NDUFAF2: variants seen among roughly 807,000 people sequenced by gnomAD.
NDUFAF2 encodes NADH dehydrogenase [ubiquinone] 1 alpha subcomplex assembly factor 2.
NDUFAF2 carries 13 observed loss-of-function variants against 22.8 expected under a neutral mutation model. The observed-to-expected ratio is 0.57, with a 90% confidence interval of 0.37 to 0.91. The LOEUF (loss-of-function observed/expected upper bound fraction) is 0.91, where lower values mean the gene tolerates loss of function less well. Among genes scored for constraint, NDUFAF2 ranks in the 40% least tolerant of loss-of-function variants. NDUFAF2 has a pLI of 0.01. For missense variants in NDUFAF2, 162 were observed against 195.2 expected, an observed-to-expected ratio of 0.83 and a Z score of 1.01; for synonymous variants, 53 against 64.2, an observed-to-expected ratio of 0.83 and a Z score of 0.84.
chr5:61,034,470 AG>A (rs1232700798), intron 1 of NDUFAF2, among the ~76,000 whole-genome samples: 2 of 152,194 alleles, frequency 1.3e-5, no homozygotes, highest in African/African-American at 4.8e-5. Flanking sequence ...GAAAAGGTAC[AG>A]TAAAAATGCA....
chr5:61,066,766 T>G (rs1752233406), intron 1 of NDUFAF2, among the ~76,000 whole-genome samples: 1 of 152,174 alleles, frequency 6.6e-6, no homozygotes, highest in Non-Finnish European at 1.5e-5. Flanking sequence ...GTTGTTATAC[T>G]GTATTTTTTA....
rs141958433 is a variant in NDUFAF2 at position 61,005,764 on chromosome 5, G to A, written c.127+60382G>A. Among the ~76,000 whole-genome samples, 1,148 of 151,938 alleles carry A rather than the reference G, an allele frequency of 7.6e-3. 13 individuals are homozygous for A. Among genetic ancestry groups the A allele is most frequent in the African/African-American group, 0.026 (1,086 of 41,474 alleles). ...CTTTTGAGAAGTGTCTGTTCATATC[G>A]TTTGCCCACTTGTTGATGGGGTTGT... On this transcript the variant is annotated intron_variant, in intron 1 of 3. Transcript: ENST00000296597.
chr5:61,035,424 GTTTTTTTTTTTTT>G lies in NDUFAF2; in HGVS notation c.128-37685_128-37673del, dbSNP rs768889484. Among the ~76,000 whole-genome samples the G allele has an allele frequency of 1.2e-4, 5 of 40,544 alleles. No individual in the cohort carries two copies. In the East Asian group the frequency reaches 2.9e-3, roughly 23 times the overall value. The allele number at this position is 40,544 out of a possible 152,430, so 26.6% of individuals were successfully genotyped here. On this transcript the variant is annotated intron_variant, in intron 1 of 3. Transcript: ENST00000296597. ...GACAACTCTCTTTCTCTCTTGCTCT[GTTTTTTTTTTTTT>G]TTTTTTTTTTTTTTTGGTAAAGGGC...
chr5:61,133,517 A>G (rs1285088724), intron 3 of NDUFAF2, among the ~76,000 whole-genome samples: 3 of 152,244 alleles, frequency 2.0e-5, no homozygotes, highest in African/African-American at 7.2e-5. Flanking sequence ...AAGAATATAA[A>G]TAAGTTTGTA....
intron 1 of NDUFAF2, among the ~76,000 whole-genome samples, chr5:61,040,754 A>G (rs1446956641): frequency 6.6e-6 from 1 of 151,928 alleles, no homozygotes; most frequent in Non-Finnish European, 1.5e-5. Context: ...TTTATTAAGT[A>G]TGCATATTAG....
intron 3 of NDUFAF2, among the ~76,000 whole-genome samples, chr5:61,124,822 A>G (rs1400034313): frequency 6.6e-6 from 1 of 152,068 alleles, no homozygotes; most frequent in Admixed American, 6.6e-5. Flanking sequence ...TCACATTGCT[A>G]TAAAGAACTA....
intron 1 of NDUFAF2, among the ~76,000 whole-genome samples, chr5:61,069,207 A>G (rs960859146): frequency 6.6e-6 from 1 of 151,886 alleles, no homozygotes; most frequent in Non-Finnish European, 1.5e-5. Flanking sequence ...ATTGTTGTGA[A>G]CTACAGGATT....
At chr5:61,056,185 A>G (rs1752084802) in intron 1 of NDUFAF2, among the ~76,000 whole-genome samples, 1 of 152,190 alleles carries the variant, frequency 6.6e-6, no homozygotes, top group South Asian at 2.1e-4. Context: ...TTTTGTAGGT[A>G]AATATCCAGG....
chr5:61,042,329 A>T (rs1751893997), intron 1 of NDUFAF2, among the ~76,000 whole-genome samples: 2 of 152,296 alleles, frequency 1.3e-5, no homozygotes, highest in Admixed American at 1.3e-4. Flanking sequence ...CTATGTATTA[A>T]TATGAAAAAA....
Position 60,945,291 on chromosome 5 carries a change from G to A in NDUFAF2, c.36G>A (p.Trp12Ter), listed in dbSNP as rs1750415294. ...CTCAGGATTTGTTCCGCGCCTTGTG[G>A]AGATCGCTGTCAAGGGAAGTGAAGG... ...GWSQDLFRAL[W>*]RSLSREVKEH... The change falls in exon 1 of 4, where the codon TGG (tryptophan) becomes TGA (stop). Residue 12 changes from tryptophan (W) to a stop codon, truncating the protein, a stop_gained. Transcript: ENST00000296597. LOFTEE classifies it high-confidence loss of function. 2 of 1,613,890 alleles carry A rather than the reference G, an allele frequency of 1.2e-6. No individual in the cohort carries two copies. The highest frequency in any genetic ancestry group is 1.7e-6 in the Non-Finnish European group (2 of 1,179,982).
At chr5:61,033,218 G>A (rs1366181209) in intron 1 of NDUFAF2, among the ~76,000 whole-genome samples, 1 of 152,112 alleles carries the variant, frequency 6.6e-6, no homozygotes, top group Non-Finnish European at 1.5e-5. Context: ...TATTATTGGT[G>A]TATAGGAATG....
chr5:61,058,236 C>G (rs949598214), intron 1 of NDUFAF2, among the ~76,000 whole-genome samples: 1 of 151,996 alleles, frequency 6.6e-6, no homozygotes, highest in African/African-American at 2.4e-5. Flanking sequence ...TTATAATTCT[C>G]TAAATTCTAG....
intron 1 of NDUFAF2, among the ~76,000 whole-genome samples, chr5:61,028,824 G>A (rs1041480900): frequency 6.6e-6 from 1 of 152,106 alleles, no homozygotes; most frequent in Non-Finnish European, 1.5e-5. Flanking sequence ...CAATGTAGGT[G>A]AGTGTCTTTT....
At chr5:60,999,759 G>A (rs537323610) in intron 1 of NDUFAF2, among the ~76,000 whole-genome samples, 76 of 152,038 alleles carry the variant, frequency 5.0e-4, no homozygotes, top group Admixed American at 3.0e-3. Context: ...TAGTTTGTAG[G>A]ATGAATGCTG....
chr5:60,957,198 C>T (rs1317180726), intron 1 of NDUFAF2, among the ~76,000 whole-genome samples: 1 of 152,008 alleles, frequency 6.6e-6, no homozygotes, highest in African/African-American at 2.4e-5. Flanking sequence ...GAAAGCAAAC[C>T]TCCACATACC....
intron 1 of NDUFAF2, among the ~76,000 whole-genome samples, chr5:60,965,852 A>T (rs1750752262): frequency 6.6e-6 from 1 of 152,154 alleles, no homozygotes. Context: ...TCTCTTTGGC[A>T]TACTGATTTC....
At chr5:61,135,551 A>T (rs905771677) in intron 3 of NDUFAF2, among the ~76,000 whole-genome samples, 1 of 152,178 alleles carries the variant, frequency 6.6e-6, no homozygotes, top group African/African-American at 2.4e-5. Flanking sequence ...GACCAGAAGC[A>T]TCAGAATCAC....
intron 1 of NDUFAF2, among the ~76,000 whole-genome samples, chr5:60,956,658 T>G (rs781567613): frequency 3.9e-4 from 60 of 152,160 alleles, no homozygotes; most frequent in Non-Finnish European, 6.9e-4. Context: ...GATTTGTATA[T>G]GTTATCTCAA....
chr5:61,020,470 A>G (rs561440037), intron 1 of NDUFAF2, among the ~76,000 whole-genome samples: 139 of 152,174 alleles, frequency 9.1e-4, no homozygotes, highest in Non-Finnish European at 1.6e-3. Context: ...GGCTTCTCTG[A>G]TAAGTTTTAA....
Sources: allele counts gnomAD v4.1 joint callset (sites outside exome capture counted in the v4.1 genomes callset), GRCh38; gene constraint gnomAD v4.1.1; transcripts MANE v1.5; gene names NCBI Gene and HGNC (gene_info 2026-07-23, HGNC 2026-07-21).